Variants in RPH3AL observed in about 807,000 individuals in gnomAD.
RPH3AL encodes rab effector Noc2.
Under a neutral mutation model 43.1 loss-of-function variants are expected in RPH3AL, and 38 were observed. That is an observed-to-expected ratio of 0.88 (90% CI 0.68 to 1.15). The LOEUF (loss-of-function observed/expected upper bound fraction) is 1.15, where lower values mean the gene tolerates loss of function less well. Ranked by LOEUF, RPH3AL falls within the 50% of genes most tolerant of loss-of-function variation. The pLI is 0.00. For missense variants in RPH3AL, 462 were observed against 423.2 expected (o/e 1.09, Z -0.81); for synonymous variants, 189 against 176.3 (o/e 1.07, Z -0.57).
chr17:269,208 C>A (rs1268451351), intron 6 of RPH3AL, among the ~76,000 whole-genome samples: 1 of 151,746 alleles, frequency 6.6e-6, no homozygotes, highest in Non-Finnish European at 1.5e-5. Flanking sequence ...CGAGGGATCG[C>A]CATGTTGCCC....
chr17:236,860 C>T (rs986186005), intron 7 of RPH3AL, among the ~76,000 whole-genome samples: 6 of 152,254 alleles, frequency 3.9e-5, no homozygotes, highest in Admixed American at 3.3e-4. Flanking sequence ...CCGCCACGGG[C>T]GGGGCATGCG....
At chr17:331,994 G>A in intron 2 of RPH3AL, 2 of 737,048 alleles carry the variant, frequency 2.7e-6, no homozygotes, top group Non-Finnish European at 4.0e-6. Flanking sequence ...TTGGCCTGGG[G>A]AGCAGAGGCA....
chr17:286,520 C>T (rs1050341815), intron 5 of RPH3AL, among the ~76,000 whole-genome samples: 2 of 152,190 alleles, frequency 1.3e-5, no homozygotes, highest in Non-Finnish European at 2.9e-5. Flanking sequence ...TTGCTGCTTT[C>T]GTAAATCTCA....
chr17:252,678 C>A (rs1216155156), intron 6 of RPH3AL, among the ~76,000 whole-genome samples: 2 of 152,190 alleles, frequency 1.3e-5, no homozygotes, highest in South Asian at 2.1e-4. Context: ...CCCGCACCCA[C>A]CCCATCAGCC....
intron 3 of RPH3AL, among the ~76,000 whole-genome samples, chr17:325,209 T>G (rs1451326913): frequency 6.6e-6 from 1 of 152,200 alleles, no homozygotes; most frequent in African/African-American, 2.4e-5. Flanking sequence ...TGGAGGCTTT[T>G]CCTTGATCCC....
In RPH3AL at chr17:269,177, C is replaced by T. The variant is rs887729660; in HGVS notation, c.438+12591G>A. ...ACAGGCGTGAGCCACCGTGCCTGGC[C>T]GATTTTTTATTTTTTAGAGACGAGG... On this transcript the variant is annotated intron_variant, in intron 6 of 9. Coordinates refer to ENST00000331302, the MANE Select transcript of RPH3AL (RefSeq NM_006987.4). Among the ~76,000 whole-genome samples, 8 of 151,942 alleles carry T rather than the reference C, an allele frequency of 5.3e-5. No homozygotes were observed. The East Asian group carries it at 5.8e-4, about 11-fold the overall frequency.
chr17:276,077 A>T (rs1051579781), intron 6 of RPH3AL, among the ~76,000 whole-genome samples: 1 of 152,228 alleles, frequency 6.6e-6, no homozygotes, highest in African/African-American at 2.4e-5. Flanking sequence ...TCTCCAGGAC[A>T]GTTGGTACAG....
At chr17:244,827 G>A (rs2041707843) in intron 7 of RPH3AL, among the ~76,000 whole-genome samples, 1 of 152,230 alleles carries the variant, frequency 6.6e-6, no homozygotes, top group Non-Finnish European at 1.5e-5. Context: ...GTGTGCGCAT[G>A]TGCATGGGAG....
intron 6 of RPH3AL, among the ~76,000 whole-genome samples, chr17:265,510 G>A (rs988642254): frequency 1.1e-4 from 17 of 152,290 alleles, no homozygotes; most frequent in South Asian, 2.1e-4. Context: ...TAGGAAAAAC[G>A]TTCGTCATCC....
chr17:258,756 CG>C (rs2042128270), intron 6 of RPH3AL, among the ~76,000 whole-genome samples: 1 of 139,108 alleles, frequency 7.2e-6, no homozygotes, highest in Non-Finnish European at 1.5e-5. Flanking sequence ...ATAGTCAACC[CG>C]TTTTTTTTTT....
chr17:290,739 G>A lies in RPH3AL; in HGVS notation c.352-8885C>T, dbSNP rs1051434122. ...ACCACGCTCCCGCAGATCAGAAGACGGGAAGGGGCTTAGTGCCAATGTAGG... is the reference window on the plus strand; with the variant it reads ...ACCACGCTCCCGCAGATCAGAAGACAGGAAGGGGCTTAGTGCCAATGTAGG... On this transcript the variant is annotated intron_variant, in intron 5 of 9. Transcript: ENST00000331302. This position sits in a 1 kb window ranked among gnomAD's most constrained non-coding sequence, Gnocchi z 4.2. Among the ~76,000 whole-genome samples the A allele has an allele frequency of 9.8e-5, 15 of 152,316 alleles. No homozygotes were observed. The highest frequency in any genetic ancestry group is 7.2e-4 in the Admixed American group (11 of 15,302).
rs368247606 is a variant in RPH3AL, at chr17:235,673, G to A, written c.613+11438C>T. ...TCCAGGGTTCAAAGCTGGGGTCAGC[G>A]GAGGCTCTACACTAACAAGACAGGT... On this transcript the variant is annotated intron_variant, in intron 7 of 9. Coordinates refer to ENST00000331302, the MANE Select transcript of RPH3AL (RefSeq NM_006987.4). 1.8e-3 allele frequency among the ~76,000 whole-genome samples: 124 copies of A among 69,018 alleles called. 13 individuals carry two copies. The highest frequency in any genetic ancestry group is 6.5e-3 in the African/African-American group (114 of 17,560). 45.3% of individuals were successfully genotyped at this position (69,018 alleles called of 152,430 possible).
At chr17:312,533 C>T (rs755638442) in intron 5 of RPH3AL, among the ~76,000 whole-genome samples, 7 of 152,164 alleles carry the variant, frequency 4.6e-5, no homozygotes, top group Non-Finnish European at 7.3e-5. Flanking sequence ...GACTATGACA[C>T]GGGGAGTCAC....
At chr17:278,943 T>C (rs1288494598) in intron 6 of RPH3AL, among the ~76,000 whole-genome samples, 1 of 151,808 alleles carries the variant, frequency 6.6e-6, no homozygotes, top group Non-Finnish European at 1.5e-5. Flanking sequence ...CCAGAAAAAA[T>C]ACTTACAATT....
At chr17:260,288 C>G (rs1555545846) in intron 6 of RPH3AL, among the ~76,000 whole-genome samples, 2 of 152,216 alleles carry the variant, frequency 1.3e-5, no homozygotes, top group South Asian at 2.1e-4. Context: ...CTGTCGTGCT[C>G]CCAGAGGCCA....
rs1489519376 is a variant in RPH3AL, at chr17:245,671, G to A, written c.613+1440C>T. Reference sequence around the variant, plus strand: ...GACATGGACAGATCTCGAGGGCTCAGCAGGAGAAGGTCTGAGGTCCAAGGG... The same window carrying A: ...GACATGGACAGATCTCGAGGGCTCAACAGGAGAAGGTCTGAGGTCCAAGGG... On this transcript the variant is annotated intron_variant, in intron 7 of 9. Transcript: ENST00000331302. This position sits in a 1 kb window ranked among gnomAD's most constrained non-coding sequence, Gnocchi z 5.9. Among the ~76,000 whole-genome samples the A allele has an allele frequency of 2.6e-5, 4 of 152,090 alleles. No individual in the cohort carries two copies. The highest frequency in any genetic ancestry group is 2.0e-4 in the Admixed American group (3 of 15,262).
rs753304035 is a variant in RPH3AL, at chr17:327,497, G to A, written c.47C>T (p.Pro16Leu). 8 of 1,613,998 alleles carry A rather than the reference G, an allele frequency of 5.0e-6. No individual in the cohort carries two copies. The highest frequency in any genetic ancestry group is 6.8e-6 in the Non-Finnish European group (8 of 1,179,988). ...TCGAAGGGCAAGCTGCCGGTCATTGGGGCAAACCCACTGATCATTCCCGCT... is the reference window on the plus strand; with the variant it reads ...TCGAAGGGCAAGCTGCCGGTCATTGAGGCAAACCCACTGATCATTCCCGCT... ...FGSGNDQWVC[P>L]NDRQLALRAK... is the part of the protein sequence containing the mutation. Residue 16 changes from proline (P) to leucine (L), a missense_variant, in exon 3 of 10, where the codon CCC (proline) becomes CTC (leucine). By Grantham distance (98) the Pro-to-Leu change is moderately conservative (BLOSUM62 -3). Coordinates refer to ENST00000331302, the MANE Select transcript of RPH3AL (RefSeq NM_006987.4).
In RPH3AL at chr17:252,344, T is replaced by C. The variant is rs149420869; in HGVS notation, c.439-5059A>G. Among the ~76,000 whole-genome samples the C allele has an allele frequency of 1.2e-3, 180 of 152,180 alleles. 1 individual carries two copies. Among genetic ancestry groups the C allele is most frequent in the African/African-American group, 4.2e-3 (175 of 41,530 alleles). On this transcript the variant is annotated intron_variant, in intron 6 of 9. Transcript: ENST00000331302. ...AAATTAGCACAACAAAAAAGTAAAA[T>C]GAAACTAGGCCACCTATAACATCAC...
At chr17:247,321 C>G in intron 6 of RPH3AL, 36 bp from the exon 7 acceptor site, 1 of 1,517,444 alleles carries the variant, frequency 6.6e-7, no homozygotes, top group Non-Finnish European at 8.8e-7. Flanking sequence ...GGGCACAGGA[C>G]GCAGAGGAGC....
Sources: allele counts gnomAD v4.1 joint callset (sites outside exome capture counted in the v4.1 genomes callset), GRCh38; gene constraint gnomAD v4.1.1; non-coding constraint Gnocchi (gnomAD v3.1); transcripts MANE v1.5; gene names NCBI Gene and HGNC (gene_info 2026-07-23, HGNC 2026-07-21).